The following GHR variants were observed in gnomAD, a reference collection of about 807,000 sequenced individuals.
The protein encoded by GHR is growth hormone receptor.
In GHR, 35 loss-of-function variants were observed where a neutral mutation model predicts 67.1. The observed-to-expected ratio is 0.52, with a 90% CI of 0.40 to 0.69. The LOEUF is 0.69. Ranked by LOEUF, GHR falls within the 30% of genes least tolerant of loss-of-function variation. The pLI is 0.00. For missense variants in GHR, 792 were observed against 764.6 expected (o/e 1.04, Z -0.42); for synonymous variants, 272 against 269.1 (o/e 1.01, Z -0.10).
intron 1 of GHR, among the ~76,000 whole-genome samples, chr5:42,544,570 C>G (rs573341865): frequency 6.6e-6 from 1 of 152,256 alleles, no homozygotes; most frequent in South Asian, 2.1e-4. Context: ...TTTCCCCCCA[C>G]CTCCCAAGAG....
At chr5:42,661,464 A>G (rs1046533029) in intron 3 of GHR, among the ~76,000 whole-genome samples, 4 of 152,228 alleles carry the variant, frequency 2.6e-5, no homozygotes, top group African/African-American at 7.2e-5. Flanking sequence ...ATTCTTAAAG[A>G]AAAGAATTTT....
intron 2 of GHR, among the ~76,000 whole-genome samples, chr5:42,595,401 T>C (rs964941700): frequency 6.6e-6 from 1 of 152,236 alleles, no homozygotes; most frequent in Admixed American, 6.5e-5. Flanking sequence ...CTTATAACTG[T>C]GCTTTCTGAT....
At chr5:42,481,506 C>A (rs373975680) in intron 1 of GHR, among the ~76,000 whole-genome samples, 1 of 152,182 alleles carries the variant, frequency 6.6e-6, no homozygotes, top group African/African-American at 2.4e-5. Context: ...TCCATTCTCC[C>A]CGTCACTTTC....
intron 2 of GHR, among the ~76,000 whole-genome samples, chr5:42,568,874 C>T (rs1750103961): frequency 6.6e-6 from 1 of 152,212 alleles, no homozygotes; most frequent in Admixed American, 6.5e-5. Context: ...TTCCTATTTT[C>T]AAAGCCTGCA....
chr5:42,690,752 T>G (rs927624298), intron 4 of GHR, among the ~76,000 whole-genome samples: 2 of 152,122 alleles, frequency 1.3e-5, no homozygotes, highest in African/African-American at 4.8e-5. Context: ...GGGCACCAAG[T>G]ATACTATATT....
intron 1 of GHR, among the ~76,000 whole-genome samples, chr5:42,486,542 G>A (rs529047922): frequency 6.6e-6 from 1 of 152,288 alleles, no homozygotes; most frequent in East Asian, 1.9e-4. Context: ...GGCTTGTAGA[G>A]AGCAAAATTA....
chr5:42,476,576 T>C (rs1364859528), intron 1 of GHR, among the ~76,000 whole-genome samples: 6 of 152,222 alleles, frequency 3.9e-5, no homozygotes, highest in Admixed American at 6.5e-5. Flanking sequence ...TGATGAATTA[T>C]GAAAATCATG....
intron 1 of GHR, among the ~76,000 whole-genome samples, chr5:42,450,663 C>T (rs1395624424): frequency 6.6e-6 from 1 of 151,704 alleles, no homozygotes; most frequent in African/African-American, 2.4e-5. Flanking sequence ...TATATCTTTT[C>T]TTCTGCTTTG....
chr5:42,644,686 T>C (rs1207556103), intron 3 of GHR, among the ~76,000 whole-genome samples: 1 of 151,994 alleles, frequency 6.6e-6, no homozygotes, highest in Non-Finnish European at 1.5e-5. Flanking sequence ...TAGAGATACA[T>C]ACCTAGATAG....
At chr5:42,664,700 T>C (rs1673019671) in intron 3 of GHR, among the ~76,000 whole-genome samples, 1 of 152,254 alleles carries the variant, frequency 6.6e-6, no homozygotes, top group Non-Finnish European at 1.5e-5. Context: ...ACTTCATGTC[T>C]AAAACACCAA....
At chr5:42,570,614 C>T (rs985493192) in intron 2 of GHR, among the ~76,000 whole-genome samples, 1 of 152,144 alleles carries the variant, frequency 6.6e-6, no homozygotes, top group African/African-American at 2.4e-5. Context: ...AACAGTTCTA[C>T]TAGCTTCAAA....
At chr5:42,663,248 G>A (rs971756795) in intron 3 of GHR, among the ~76,000 whole-genome samples, 11 of 152,184 alleles carry the variant, frequency 7.2e-5, no homozygotes, top group Admixed American at 4.6e-4. Flanking sequence ...ATTTTATGAG[G>A]CCAGCATCAT....
At chr5:42,551,293 G>C (rs1220826063) in intron 1 of GHR, among the ~76,000 whole-genome samples, 2 of 152,022 alleles carry the variant, frequency 1.3e-5, no homozygotes, top group African/African-American at 4.8e-5. Flanking sequence ...TTATAGTAAA[G>C]GTTAAAAAAA....
intron 2 of GHR, among the ~76,000 whole-genome samples, chr5:42,617,130 T>A (rs1381860408): frequency 6.6e-6 from 1 of 151,864 alleles, no homozygotes; most frequent in African/African-American, 2.4e-5. Context: ...TCTTTTTTGG[T>A]GGTGTTCTTT....
In GHR at chr5:42,719,415, C is replaced by A; in HGVS notation, c.1908C>A (p.Ile636=). ...TGAGCACAGACCAACTGAACAAAAT[C>A]ATGCCTTAGCCTTTCTTTGGTTTCC... ...GYVSTDQLNK[I]MP Residue 636 remains isoleucine, a synonymous_variant, in exon 10 of 10, where the codon ATC becomes ATA. Coordinates refer to ENST00000230882, the MANE Select transcript of GHR (RefSeq NM_000163.5). 6.2e-7 allele frequency: 1 copy of A among 1,612,762 alleles called. No individual in the cohort carries two copies.
At chr5:42,504,220 G>C (rs183727238) in intron 1 of GHR, among the ~76,000 whole-genome samples, 1 of 152,322 alleles carries the variant, frequency 6.6e-6, no homozygotes, top group African/African-American at 2.4e-5. Context: ...GGGTTGGGAA[G>C]TGATATGACC....
At chr5:42,500,149 A>G (rs1269646836) in intron 1 of GHR, among the ~76,000 whole-genome samples, 1 of 152,248 alleles carries the variant, frequency 6.6e-6, no homozygotes, top group African/African-American at 2.4e-5. Context: ...TAGCTACGCC[A>G]GTCGAGTGTG....
chr5:42,635,925 T>G (rs1376485777), intron 3 of GHR, among the ~76,000 whole-genome samples: 3 of 151,742 alleles, frequency 2.0e-5, no homozygotes, highest in Non-Finnish European at 4.4e-5. Flanking sequence ...TAAAAAAAAT[T>G]TTAGGCCAGA....
chr5:42,565,581 G>A, intron 1 of GHR: 4 of 985,414 alleles, frequency 4.1e-6, no homozygotes, highest in Non-Finnish European at 4.8e-6. Context: ...GTCGTTTGCT[G>A]TGAGGTGTTT....
Sources: allele counts gnomAD v4.1 joint callset (sites outside exome capture counted in the v4.1 genomes callset), GRCh38; gene constraint gnomAD v4.1.1; transcripts MANE v1.5; gene names NCBI Gene and HGNC (gene_info 2026-07-23, HGNC 2026-07-21).